Variants in SEMA3D observed in about 807,000 individuals in gnomAD.
The protein encoded by SEMA3D is semaphorin 3D.
SEMA3D carries 84 observed loss-of-function variants against 100.1 expected under a neutral mutation model. The observed-to-expected ratio is 0.84, with a 90% CI of 0.70 to 1.01. SEMA3D has a LOEUF of 1.01. Ranked by LOEUF, SEMA3D falls within the 50% of genes least tolerant of loss-of-function variation. The pLI is 0.00. For missense variants in SEMA3D, 875 were observed against 934.1 expected, an observed-to-expected ratio of 0.94 and a Z score of 0.82; for synonymous variants, 312 against 320.7, an observed-to-expected ratio of 0.97 and a Z score of 0.29.
the SEMA3D span, among the ~76,000 whole-genome samples, chr7:85,193,570 A>G: frequency 6.6e-6 from 1 of 152,154 alleles, no homozygotes; most frequent in African/African-American, 2.4e-5. Context: ...ACTCAAAGCC[A>G]GCCTGCTTTA....
At position 85,091,503 on chromosome 7, in the gene SEMA3D, T is replaced by TA. The variant is rs550466922; in HGVS notation, c.312+6301dup. ...TTTTTACCATCAACTATGACTCCAT[T>TA]AAAAAAAAAAGAGTGAGAAAGAGGG... On this transcript the variant is annotated intron_variant, in intron 4 of 18. Coordinates refer to ENST00000284136, the MANE Select transcript of SEMA3D (RefSeq NM_001384900.1). Among the ~76,000 whole-genome samples the TA allele has an allele frequency of 5.7e-3, 830 of 144,508 alleles. 4 individuals carry two copies. The highest frequency in any genetic ancestry group is 7.2e-3 in the Non-Finnish European group (470 of 65,484). The allele number at this position is 144,508 out of a possible 152,430, so 94.8% of individuals were successfully genotyped here.
chr7:85,197,008 G>A, the SEMA3D span, among the ~76,000 whole-genome samples: 15 of 143,968 alleles, frequency 1.0e-4, no homozygotes, highest in African/African-American at 3.5e-4. Context: ...ATTCTCATCA[G>A]ATTTTTTTTT....
intron 1 of SEMA3D, among the ~76,000 whole-genome samples, chr7:85,184,469 A>T (rs1176840854): frequency 1.3e-5 from 2 of 152,054 alleles, no homozygotes. Context: ...GACAATACCC[A>T]TTTATAAATC....
At chr7:85,078,763 T>C (rs1787964184) in intron 5 of SEMA3D, among the ~76,000 whole-genome samples, 1 of 152,214 alleles carries the variant, frequency 6.6e-6, no homozygotes, top group Non-Finnish European at 1.5e-5. Flanking sequence ...GTTTTGCAGT[T>C]ACATAGTACC....
chr7:85,160,295 A>G (rs554288855), intron 1 of SEMA3D, among the ~76,000 whole-genome samples: 1 of 152,262 alleles, frequency 6.6e-6, no homozygotes, highest in Non-Finnish European at 1.5e-5. Flanking sequence ...TCAACCCAGC[A>G]TGAAAGTATA....
chr7:85,189,946 C>T (rs1429941707), upstream of SEMA3D, among the ~76,000 whole-genome samples: 1 of 152,114 alleles, frequency 6.6e-6, no homozygotes, highest in Non-Finnish European at 1.5e-5. Flanking sequence ...AATCATCCAT[C>T]TATGTTGAGA....
the SEMA3D span, among the ~76,000 whole-genome samples, chr7:85,223,879 C>T: frequency 2.0e-5 from 3 of 151,466 alleles, no homozygotes; most frequent in African/African-American, 4.9e-5. Context: ...CCGTGTAACC[C>T]CCATTCCAAA....
intron 15 of SEMA3D, among the ~76,000 whole-genome samples, chr7:85,016,827 C>A (rs1371188627): frequency 6.7e-6 from 1 of 148,612 alleles, no homozygotes; most frequent in Non-Finnish European, 1.5e-5. Context: ...ACTATGTTGC[C>A]CAGACTGGAC....
At chr7:85,165,044 G>T (rs1332178204) in intron 1 of SEMA3D, among the ~76,000 whole-genome samples, 2 of 144,894 alleles carry the variant, frequency 1.4e-5, no homozygotes, top group African/African-American at 5.1e-5. Context: ...CCCTTCCTGT[G>T]TCCCTGTGTT....
At position 85,175,561 on chromosome 7, in the gene SEMA3D, G is replaced by A. The variant is rs762424667; in HGVS notation, c.-173+11117C>T. On this transcript the variant is annotated intron_variant, in intron 1 of 18. Transcript: ENST00000284136. The stretch of plus-strand genomic sequence containing the variant: ...AAAGAAAGGGAAATGTTATTCACCC[G>A]TCTGTACATCCAGTATAGGTGCTTT... Among the ~76,000 whole-genome samples, 27 of 152,254 alleles carry A rather than the reference G, an allele frequency of 1.8e-4. 1 individual carries two copies. In the Middle Eastern group the frequency reaches 0.01, roughly 58 times the overall value.
chr7:85,208,850 C>T, the SEMA3D span, among the ~76,000 whole-genome samples: 16 of 152,018 alleles, frequency 1.1e-4, no homozygotes, highest in East Asian at 5.8e-4. Context: ...AGAAAATACA[C>T]GCAATACTAC....
At chr7:85,163,105 A>C (rs1371245380) in intron 1 of SEMA3D, 1 of 435,036 alleles carries the variant, frequency 2.3e-6, no homozygotes, top group Non-Finnish European at 3.1e-6. Flanking sequence ...GAATACAAAG[A>C]AAAGAAAAAA....
intron 8 of SEMA3D, among the ~76,000 whole-genome samples, chr7:85,060,344 T>A (rs972890203): frequency 6.6e-6 from 1 of 152,164 alleles, no homozygotes; most frequent in Non-Finnish European, 1.5e-5. Flanking sequence ...TCTTGCAGAT[T>A]CTGTTGAGGT....
At chr7:85,059,450 T>C (rs922622154) in intron 8 of SEMA3D, among the ~76,000 whole-genome samples, 3 of 152,192 alleles carry the variant, frequency 2.0e-5, no homozygotes, top group African/African-American at 7.2e-5. Flanking sequence ...GGTATTAACA[T>C]GAGTAGAATT....
intron 4 of SEMA3D, among the ~76,000 whole-genome samples, chr7:85,091,050 AAAGG>A (rs760047580): frequency 5.3e-5 from 8 of 150,492 alleles, no homozygotes; most frequent in Admixed American, 6.6e-5. Flanking sequence ...AGAGAGAGAG[AAAGG>A]AAGGAAGGAA....
the SEMA3D span, among the ~76,000 whole-genome samples, chr7:85,235,286 T>G: frequency 3.9e-5 from 6 of 152,164 alleles, no homozygotes; most frequent in African/African-American, 1.4e-4. Context: ...TAAAAACAAT[T>G]CTTGTCTAAC....
intron 7 of SEMA3D, 37 bp downstream of exon 7, chr7:85,068,154 C>G: frequency 1.7e-6 from 2 of 1,198,294 alleles, no homozygotes; most frequent in African/African-American, 1.5e-5. Flanking sequence ...TCTTAGAAAA[C>G]CATTTAAGGA....
intron 3 of SEMA3D, among the ~76,000 whole-genome samples, chr7:85,098,449 G>A (rs369460370): frequency 2.6e-5 from 4 of 151,790 alleles, no homozygotes; most frequent in Non-Finnish European, 4.4e-5. Context: ...ATTAATTAAT[G>A]TATACAAAGT....
chr7:85,041,728 C>T (rs12112643), intron 10 of SEMA3D: 39,892 of 154,844 alleles, frequency 0.26, 5,227 homozygotes, highest in Non-Finnish European at 0.3. Context: ...AAGCTGTCTA[C>T]TGCTTCTGAT....
Sources: gnomAD v4.1 joint callset for allele counts (sites outside exome capture counted in the v4.1 genomes callset) on GRCh38, gnomAD v4.1.1 for gene constraint, MANE v1.5 for transcripts, NCBI Gene and HGNC (gene_info 2026-07-23, HGNC 2026-07-21) for gene names.